The following GDA variants were observed in gnomAD, a reference collection of about 807,000 sequenced individuals.
GDA encodes guanine deaminase, also known as cytoplasmic PSD-95 interactor.
A neutral mutation model predicts 59.6 loss-of-function variants in GDA; 18 were observed. That is an observed-to-expected ratio of 0.30 (90% confidence interval 0.21 to 0.45). The LOEUF (loss-of-function observed/expected upper bound fraction) is 0.45. GDA is among the 20% of genes least tolerant of loss of function. The probability of loss-of-function intolerance (pLI) is 1.00; values close to 1 mark genes in which losing one functional copy is unlikely to be tolerated. For synonymous variants in GDA, 201 were observed against 201.1 expected (o/e 1.00, Z 0.00); for missense variants, 427 against 552.3 (o/e 0.77, Z 2.27).
chr9:72,125,785 A>T (rs936543172), intron 1 of GDA, among the ~76,000 whole-genome samples: 13 of 152,122 alleles, frequency 8.5e-5, no homozygotes, highest in African/African-American at 3.1e-4. Flanking sequence ...GAAAGTTCTA[A>T]CTTTGTCCCC....
At chr9:72,194,335 A>G (rs1384819877) in intron 1 of GDA, among the ~76,000 whole-genome samples, 2 of 152,066 alleles carry the variant, frequency 1.3e-5, no homozygotes, top group Admixed American at 6.6e-5. Flanking sequence ...GACGAATCCT[A>G]CCAGGACTGA....
At chr9:72,148,816 C>T (rs972409775), upstream of GDA, among the ~76,000 whole-genome samples, 1 of 152,154 alleles carries the variant, frequency 6.6e-6, no homozygotes, top group African/African-American at 2.4e-5. Context: ...GACTTGAGAA[C>T]TTAATTTTCT....
chr9:72,244,617 T>C (rs2131824875), intron 11 of GDA, among the ~76,000 whole-genome samples: 1 of 152,262 alleles, frequency 6.6e-6, no homozygotes, highest in South Asian at 2.1e-4. Flanking sequence ...AACTAAGGAA[T>C]TTCTGATGGA....
chr9:72,140,983 G>T (rs560312833), intron 1 of GDA, among the ~76,000 whole-genome samples: 163 of 152,242 alleles, frequency 1.1e-3, no homozygotes, highest in Middle Eastern at 3.4e-3. Context: ...ACTTACACAT[G>T]CTCCAAATCC....
In GDA at chr9:72,251,684, T is replaced by C. The variant is rs1037568931; in HGVS notation, c.*3342T>C. ...ACAGCTTCAAGGAGATGTTAGCAAT[T>C]TCAGATATACTAGCCAGTTTAGGTA... On this transcript the variant is annotated 3_prime_UTR_variant, in exon 14 of 14. Transcript: ENST00000358399. 2 of 152,060 alleles carry C rather than the reference T, an allele frequency of 1.3e-5. No homozygotes were observed. The highest frequency in any genetic ancestry group is 2.4e-5 in the African/African-American group (1 of 41,406). The allele number at this position is 152,060 out of a possible 1,614,324, so 9.4% of individuals were successfully genotyped here. A position where few individuals can be genotyped will look rare whatever the true frequency, so the allele number is the denominator to read the frequency against.
chr9:72,187,090 A>G (rs1831950382), intron 1 of GDA, among the ~76,000 whole-genome samples: 1 of 152,228 alleles, frequency 6.6e-6, no homozygotes, highest in Non-Finnish European at 1.5e-5. Flanking sequence ...TAAGACATTT[A>G]TTATTAACAA....
intron 1 of GDA, among the ~76,000 whole-genome samples, chr9:72,193,257 G>A (rs1832772366): frequency 6.6e-6 from 1 of 152,108 alleles, no homozygotes; most frequent in Admixed American, 6.5e-5. Context: ...GGGCTTGTTT[G>A]TACCTGTCTT....
chr9:72,179,323 TTACAGTTCAC>T (rs1358769058), intron 1 of GDA, among the ~76,000 whole-genome samples: 1 of 152,216 alleles, frequency 6.6e-6, no homozygotes, highest in Non-Finnish European at 1.5e-5. Context: ...CAGAGAACTT[TTACAGTTCAC>T]TGGAGTGTTT....
intron 1 of GDA, among the ~76,000 whole-genome samples, chr9:72,157,518 C>T (rs1005126761): frequency 6.6e-6 from 1 of 152,170 alleles, no homozygotes; most frequent in African/African-American, 2.4e-5. Context: ...TCCAGGCACC[C>T]ATATCAATAG....
intron 1 of GDA, among the ~76,000 whole-genome samples, chr9:72,137,248 T>TTC (rs1554722896): frequency 1.6e-5 from 2 of 128,524 alleles, no homozygotes; most frequent in African/African-American, 2.9e-5. Context: ...TTTTCTTTTT[T>TTC]TTTTTTTTTT....
chr9:72,216,233 C>G (rs909459542), intron 5 of GDA, among the ~76,000 whole-genome samples: 8 of 152,168 alleles, frequency 5.3e-5, no homozygotes, highest in Admixed American at 2.6e-4. Context: ...TGAGCTAAAA[C>G]ATTGCAGAAC....
At chr9:72,255,178 C>T (rs1840856625), downstream of GDA, among the ~76,000 whole-genome samples, 1 of 152,190 alleles carries the variant, frequency 6.6e-6, no homozygotes, top group East Asian at 1.9e-4. Flanking sequence ...TTCTTGGCAG[C>T]TGTATTTATA....
At chr9:72,123,549 G>A (rs147939238) in intron 1 of GDA, among the ~76,000 whole-genome samples, 1,690 of 142,222 alleles carry the variant, frequency 0.012, 29 homozygotes, top group African/African-American at 0.041. Context: ...GTGCAATGGC[G>A]TGATCTCAGC....
intron 11 of GDA, 134 bp downstream of exon 11, chr9:72,241,432 C>A: frequency 1.7e-6 from 1 of 599,844 alleles, no homozygotes; most frequent in South Asian, 3.4e-5. Context: ...TGTAACATAC[C>A]CAGAACTCAG....
At chr9:72,116,148 C>G (rs1587282140) in intron 1 of GDA, among the ~76,000 whole-genome samples, 1 of 151,706 alleles carries the variant, frequency 6.6e-6, no homozygotes, top group Admixed American at 6.6e-5. Flanking sequence ...GCAGGAGAAT[C>G]ACTTGAACCT....
chr9:72,191,597 G>C (rs1832558108), intron 1 of GDA, among the ~76,000 whole-genome samples: 2 of 151,704 alleles, frequency 1.3e-5, no homozygotes, highest in South Asian at 4.2e-4. Flanking sequence ...TCAGCCTCTG[G>C]AGTAGCTTGA....
intron 1 of GDA, among the ~76,000 whole-genome samples, chr9:72,153,001 C>T (rs1827414723): frequency 6.6e-6 from 1 of 152,188 alleles, no homozygotes; most frequent in Non-Finnish European, 1.5e-5. Context: ...TTTCAGCTTT[C>T]TACATATGGC....
upstream of GDA, chr9:72,149,399 C>T: frequency 1.5e-6 from 1 of 688,970 alleles, no homozygotes; most frequent in Non-Finnish European, 2.3e-6. Context: ...CCCCTGGGCG[C>T]GGCCTGCAGG....
rs141314776 is a variant in GDA at position 72,246,104 on chromosome 9, A to G, written c.1266+826A>G. 1.2e-4 allele frequency among the ~76,000 whole-genome samples: 19 copies of G among 152,332 alleles called. No individual in the cohort carries two copies. In the East Asian group the frequency reaches 3.5e-3, roughly 28 times the overall value. ...TCTTAGGGTCAAGGCTGAGGTCACT[A>G]TAACAAGAGACAGATTTAACAGGAG... On this transcript the variant is annotated intron_variant, in intron 12 of 13. Transcript: ENST00000358399.
Sources: allele counts gnomAD v4.1 joint callset (sites outside exome capture counted in the v4.1 genomes callset), GRCh38; gene constraint gnomAD v4.1.1; transcripts MANE v1.5; gene names NCBI Gene and HGNC (gene_info 2026-07-23, HGNC 2026-07-21).